TENM3: variants seen among roughly 807,000 people sequenced by gnomAD.
TENM3 encodes teneurin transmembrane protein 3, also known as teneurin-3.
Under a neutral mutation model 255.1 loss-of-function variants are expected in TENM3, and 63 were observed. The observed-to-expected ratio is 0.25, with a 90% confidence interval of 0.20 to 0.30. The LOEUF is 0.30. Ranked by LOEUF, TENM3 falls within the 10% of genes least tolerant of loss-of-function variation. The pLI is 1.00. For missense variants in TENM3, 2,929 were observed against 3,461.1 expected, an observed-to-expected ratio of 0.85 and a Z score of 3.86; for synonymous variants, 1,306 against 1,322.3, an observed-to-expected ratio of 0.99 and a Z score of 0.27.
At chr4:182,480,796 C>T (rs1028777435) in intron 3 of TENM3, among the ~76,000 whole-genome samples, 2 of 151,916 alleles carry the variant, frequency 1.3e-5, no homozygotes, top group African/African-American at 4.8e-5. Context: ...GATCTCTAGA[C>T]ACAATATGAA....
intron 22 of TENM3, among the ~76,000 whole-genome samples, chr4:182,755,610 G>A (rs976937870): frequency 5.3e-5 from 8 of 152,130 alleles, no homozygotes; most frequent in East Asian, 3.9e-4. Context: ...AGGCCGAGGC[G>A]GGCGGATCAC....
chr4:182,659,915 C>T (rs1414040401), intron 6 of TENM3, among the ~76,000 whole-genome samples: 4 of 152,174 alleles, frequency 2.6e-5, no homozygotes, highest in Non-Finnish European at 4.4e-5. Flanking sequence ...TTACGAGCCT[C>T]ACCACCTGAT....
chr4:182,162,807 C>T (rs1044373620), intron 1 of TENM3, among the ~76,000 whole-genome samples: 2 of 152,168 alleles, frequency 1.3e-5, no homozygotes, highest in African/African-American at 4.8e-5. Context: ...CTAGTCCCTC[C>T]TGCTCTTTTA....
chr4:182,631,761 T>A (rs1751396368), intron 5 of TENM3: 1 of 152,210 alleles, frequency 6.6e-6, no homozygotes, highest in Admixed American at 6.5e-5. Context: ...ATATTGACCG[T>A]TAATATACAG....
At chr4:182,512,800 C>G (rs1489246097) in intron 3 of TENM3, among the ~76,000 whole-genome samples, 2 of 152,138 alleles carry the variant, frequency 1.3e-5, no homozygotes, top group African/African-American at 2.4e-5. Flanking sequence ...ATGAAACAAT[C>G]TAACCTCTTT....
intron 6 of TENM3, among the ~76,000 whole-genome samples, chr4:182,654,588 C>G (rs1386244317): frequency 6.6e-6 from 1 of 152,026 alleles, no homozygotes; most frequent in Non-Finnish European, 1.5e-5. Flanking sequence ...TATCATAATA[C>G]TTTATATCTC....
intron 3 of TENM3, among the ~76,000 whole-genome samples, chr4:182,476,229 A>T (rs995389697): frequency 3.9e-5 from 6 of 152,214 alleles, no homozygotes; most frequent in African/African-American, 1.4e-4. Context: ...ATTTTAGTCT[A>T]TAGCCAACCT....
chr4:181,766,530 T>A, the TENM3 span, among the ~76,000 whole-genome samples: 1 of 151,926 alleles, frequency 6.6e-6, no homozygotes, highest in Non-Finnish European at 1.5e-5. Flanking sequence ...CAGCTTGGGG[T>A]GAGCAGAGTG....
chr4:181,518,673 C>T, the TENM3 span, among the ~76,000 whole-genome samples: 1,360 of 152,260 alleles, frequency 8.9e-3, 24 homozygotes, highest in African/African-American at 0.031. Flanking sequence ...GTGATCCGCC[C>T]GCCTCAGCCT....
intron 3 of TENM3, among the ~76,000 whole-genome samples, chr4:182,404,183 C>T (rs72995447): frequency 7.3e-4 from 111 of 152,292 alleles, no homozygotes; most frequent in African/African-American, 2.5e-3. Context: ...AGAATAACCA[C>T]AGCCTTTACT....
chr4:182,607,941 A>G (rs758550490), intron 4 of TENM3, among the ~76,000 whole-genome samples: 5 of 152,166 alleles, frequency 3.3e-5, no homozygotes, highest in Non-Finnish European at 5.9e-5. Flanking sequence ...AACAGTGTAA[A>G]AGGTAATCTG....
chr4:182,359,509 A>G (rs932858755), intron 3 of TENM3, among the ~76,000 whole-genome samples: 2 of 150,554 alleles, frequency 1.3e-5, no homozygotes, highest in Non-Finnish European at 3.0e-5. Flanking sequence ...ATTTGCGTAG[A>G]GGTGTTTGTA....
chr4:182,776,582 A>G (rs1764707957), intron 24 of TENM3, among the ~76,000 whole-genome samples: 1 of 152,140 alleles, frequency 6.6e-6, no homozygotes, highest in South Asian at 2.1e-4. Context: ...TGACCACATA[A>G]CCATAACATA....
At chr4:182,320,842 CAG>C (rs1679328697) in intron 1 of TENM3, among the ~76,000 whole-genome samples, 4 of 152,144 alleles carry the variant, frequency 2.6e-5, no homozygotes, top group African/African-American at 9.7e-5. Flanking sequence ...ATTTGGCTGG[CAG>C]AGTTTGCCAG....
chr4:181,854,058 C>T, the TENM3 span, among the ~76,000 whole-genome samples: 13 of 152,268 alleles, frequency 8.5e-5, no homozygotes, highest in African/African-American at 2.9e-4. Flanking sequence ...TTAAAAATCA[C>T]AGCATGTTCT....
chr4:181,847,385 A>G, the TENM3 span, among the ~76,000 whole-genome samples: 2 of 152,180 alleles, frequency 1.3e-5, no homozygotes, highest in Non-Finnish European at 2.9e-5. Flanking sequence ...AGAGATAACT[A>G]TTAAATTTGA....
At chr4:181,953,971 T>C in the TENM3 span, among the ~76,000 whole-genome samples, 1 of 152,152 alleles carries the variant, frequency 6.6e-6, no homozygotes, top group Non-Finnish European at 1.5e-5. Context: ...GCAACCACAG[T>C]CTTCTGTCAC....
At chr4:182,680,904 A>G (rs1756121211) in intron 10 of TENM3, among the ~76,000 whole-genome samples, 167 bp downstream of exon 10, 1 of 152,186 alleles carries the variant, frequency 6.6e-6, no homozygotes, top group Non-Finnish European at 1.5e-5. Context: ...TAACTAATAA[A>G]AAGAACAAGC....
At chr4:181,791,587 C>G in the TENM3 span, among the ~76,000 whole-genome samples, 1 of 152,090 alleles carries the variant, frequency 6.6e-6, no homozygotes, top group Non-Finnish European at 1.5e-5. Flanking sequence ...CTACTCTTAA[C>G]CCCAGATTCT....
Sources: allele counts gnomAD v4.1 joint callset (sites outside exome capture counted in the v4.1 genomes callset), GRCh38; gene constraint gnomAD v4.1.1; transcripts MANE v1.5; gene names NCBI Gene and HGNC (gene_info 2026-07-23, HGNC 2026-07-21).